The following HIBCH variants were observed in gnomAD, a reference collection of about 807,000 sequenced individuals.
HIBCH encodes the protein 3-hydroxyisobutyryl-CoA hydrolase, mitochondrial.
Under a neutral mutation model 58.2 loss-of-function variants are expected in HIBCH, and 50 were observed. That is an observed-to-expected ratio of 0.86 (90% CI 0.68 to 1.09). The LOEUF (loss-of-function observed/expected upper bound fraction) is 1.09. Ranked by LOEUF, HIBCH falls within the 50% of genes least tolerant of loss-of-function variation. The pLI, the probability that HIBCH is intolerant of heterozygous loss-of-function variation, is 0.00. For synonymous variants in HIBCH, 151 were observed against 146.9 expected (o/e 1.03, Z -0.20); for missense variants, 450 against 449.7 (o/e 1.00, Z -0.01).
At chr2:190,294,973 T>G (rs1011028847) in intron 3 of HIBCH, among the ~76,000 whole-genome samples, 1 of 152,210 alleles carries the variant, frequency 6.6e-6, no homozygotes, top group Non-Finnish European at 1.5e-5. Context: ...CATAAACGTA[T>G]AAATTTGGAG....
intron 11 of HIBCH, among the ~76,000 whole-genome samples, chr2:190,238,434 CT>C (rs372830763): frequency 8.5e-5 from 13 of 152,198 alleles, no homozygotes; most frequent in African/African-American, 2.9e-4. Flanking sequence ...TGACAATAAA[CT>C]TTTTTTCATA....
rs34508159 is a variant in HIBCH at position 190,304,252 on chromosome 2, T to TA, written c.78+6501dup. 5.2e-3 allele frequency among the ~76,000 whole-genome samples: 763 copies of TA among 145,566 alleles called. No homozygotes were observed. The highest frequency in any genetic ancestry group is 0.011 in the African/African-American group (418 of 39,516). ...GAATACCTGAAACTGTGTAATTTGT[T>TA]AAAAAAAAAAAAAAAAAGGAATTTA... On this transcript the variant is annotated intron_variant, in intron 2 of 13. Transcript: ENST00000359678. The surrounding 1 kb of genome is among the most constrained non-coding windows in gnomAD (Gnocchi z 4.1).
chr2:190,289,520 C>G (rs1249652438), intron 5 of HIBCH, among the ~76,000 whole-genome samples: 1 of 152,046 alleles, frequency 6.6e-6, no homozygotes, highest in East Asian at 1.9e-4. Context: ...ATGGTTGCTT[C>G]TGGGGAAAGT....
chr2:190,196,466 T>G (rs1041216639), intron 1 of HIBCH, among the ~76,000 whole-genome samples: 2 of 151,998 alleles, frequency 1.3e-5, no homozygotes, highest in Non-Finnish European at 2.9e-5. Flanking sequence ...TTCTTGGGTA[T>G]ACTTAAATAG....
intron 2 of HIBCH, among the ~76,000 whole-genome samples, chr2:190,301,033 C>A (rs75868647): frequency 2.6e-5 from 4 of 152,202 alleles, no homozygotes; most frequent in African/African-American, 7.2e-5. Context: ...GAAGCAGCCA[C>A]CCCTGCTTAC....
At chr2:190,268,847 G>C (rs1687312806) in intron 6 of HIBCH, among the ~76,000 whole-genome samples, 1 of 152,112 alleles carries the variant, frequency 6.6e-6, no homozygotes, top group African/African-American at 2.4e-5. Context: ...GATATTTAAA[G>C]TAACCAAAAC....
At position 190,217,735 on chromosome 2, in the gene HIBCH, C is replaced by T. The variant is rs1685599335; in HGVS notation, c.892-4660G>A. Among the ~76,000 whole-genome samples the T allele has an allele frequency of 6.6e-6, 1 of 152,146 alleles. No homozygotes were observed. The highest frequency in any genetic ancestry group is 1.5e-5 in the Non-Finnish European group (1 of 68,038). The stretch of plus-strand genomic sequence containing the variant: ...AACCTGGAAAGAAGACATGCTCCAC[C>T]CAAGCTGGGAAAGTCCGTAACAAGT... On this transcript the variant is annotated intron_variant, in intron 11 of 13. Coordinates refer to ENST00000359678, the MANE Select transcript of HIBCH (RefSeq NM_014362.4). This position sits in a 1 kb window ranked among gnomAD's most constrained non-coding sequence, Gnocchi z 4.6.
At chr2:190,314,313 ATATATATG>A (rs1217828359) in intron 1 of HIBCH, among the ~76,000 whole-genome samples, 9 of 13,740 alleles carry the variant, frequency 6.6e-4, no homozygotes, top group Middle Eastern at 0.17. Flanking sequence ...ATATATGTGT[ATATATATG>A]TATATATGTA....
intron 12 of HIBCH, 90 bp downstream of exon 12, chr2:190,212,866 T>C: frequency 8.6e-7 from 1 of 1,162,842 alleles, no homozygotes. Context: ...TTTAATTTTC[T>C]TGTTTGCACT....
intron 11 of HIBCH, among the ~76,000 whole-genome samples, chr2:190,232,094 C>G (rs570959268): frequency 1.3e-5 from 2 of 152,236 alleles, no homozygotes; most frequent in East Asian, 3.9e-4. Flanking sequence ...ACTTGGGAGG[C>G]TGAGGCAGGA....
At chr2:190,290,607 A>T in intron 4 of HIBCH, 122 bp from the exon 5 acceptor site, 1 of 699,052 alleles carries the variant, frequency 1.4e-6, no homozygotes, top group South Asian at 1.7e-5. Context: ...GACTTGTTAA[A>T]AGTTTTGAAG....
chr2:190,314,476 T>TTTGG (rs568425401), intron 1 of HIBCH, among the ~76,000 whole-genome samples: 3 of 151,368 alleles, frequency 2.0e-5, no homozygotes, highest in East Asian at 1.9e-4. Context: ...ATTGCTTCCA[T>TTTGG]TTGGTTGGTT....
chr2:190,254,490 A>G lies in HIBCH; in HGVS notation c.518-2183T>C, dbSNP rs574870943. Among the ~76,000 whole-genome samples, 6 of 152,314 alleles carry G rather than the reference A, an allele frequency of 3.9e-5. No individual in the cohort carries two copies. The highest frequency in any genetic ancestry group is 4.1e-4 in the South Asian group (2 of 4,822). On this transcript the variant is annotated intron_variant, in intron 7 of 13. Coordinates refer to ENST00000359678, the MANE Select transcript of HIBCH (RefSeq NM_014362.4). The surrounding 1 kb of genome is among the most constrained non-coding windows in gnomAD (Gnocchi z 5.0). ...TGTGGTATTTTGTTATGCAGCCCTA[A>G]AAGTTTAATACACTGCGAAATCACT...
intron 11 of HIBCH, among the ~76,000 whole-genome samples, chr2:190,244,135 A>G (rs979744460): frequency 1.4e-5 from 2 of 141,590 alleles, no homozygotes; most frequent in Non-Finnish European, 3.1e-5. Flanking sequence ...AGCCTAATAT[A>G]TATATATATA....
chr2:190,275,702 A>G (rs986834433), intron 6 of HIBCH, among the ~76,000 whole-genome samples: 4 of 152,252 alleles, frequency 2.6e-5, no homozygotes, highest in African/African-American at 7.2e-5. Context: ...TAACTCTTTT[A>G]AAGAAGGCAT....
intron 6 of HIBCH, among the ~76,000 whole-genome samples, chr2:190,262,590 C>A (rs1395132728): frequency 6.6e-6 from 1 of 152,212 alleles, no homozygotes; most frequent in Non-Finnish European, 1.5e-5. Flanking sequence ...TCATTCCCAT[C>A]ACATCTTCTG....
At chr2:190,272,451 A>C (rs1253335185) in intron 6 of HIBCH, among the ~76,000 whole-genome samples, 1 of 152,194 alleles carries the variant, frequency 6.6e-6, no homozygotes, top group Non-Finnish European at 1.5e-5. Flanking sequence ...TCTTCTCTGA[A>C]ATACTTTCAC....
At chr2:190,257,468 T>G (rs538600085) in intron 7 of HIBCH, among the ~76,000 whole-genome samples, 1 of 151,364 alleles carries the variant, frequency 6.6e-6, no homozygotes, top group South Asian at 2.1e-4. Flanking sequence ...CTGTTTAAGA[T>G]CAATAAAATT....
intron 2 of HIBCH, among the ~76,000 whole-genome samples, chr2:190,301,773 G>A (rs775978415): frequency 3.9e-5 from 6 of 152,212 alleles, no homozygotes; most frequent in South Asian, 2.1e-4. Flanking sequence ...TTCAGTGCCT[G>A]GTGAGACCCC....
Sources: gnomAD v4.1 joint callset for allele counts (sites outside exome capture counted in the v4.1 genomes callset) on GRCh38, gnomAD v4.1.1 for gene constraint, Gnocchi (gnomAD v3.1) non-coding constraint, MANE v1.5 for transcripts, NCBI Gene and HGNC (gene_info 2026-07-23, HGNC 2026-07-21) for gene names.